The following MAPKAPK2 variants were observed in gnomAD, a reference collection of about 807,000 sequenced individuals.
The protein encoded by MAPKAPK2 is MAPK activated protein kinase 2, also known as MAP kinase-activated protein kinase 2.
Under a neutral mutation model 48.8 loss-of-function variants are expected in MAPKAPK2, and 9 were observed. That is an observed-to-expected ratio of 0.18 (90% CI 0.11 to 0.32). MAPKAPK2 has a LOEUF of 0.32. MAPKAPK2 is among the 10% of genes least tolerant of loss of function. The pLI is 1.00. For synonymous variants in MAPKAPK2, 202 were observed against 190.6 expected (o/e 1.06, Z -0.49); for missense variants, 331 against 498.3 (o/e 0.66, Z 3.20).
Position 206,704,100 on chromosome 1 carries a change from G to C in MAPKAPK2, c.279+18592G>C, listed in dbSNP as rs1272345032. Among the ~76,000 whole-genome samples the C allele has an allele frequency of 6.6e-6, 1 of 152,218 alleles. No homozygotes were observed. Among genetic ancestry groups the C allele is most frequent in the East Asian group, 1.9e-4 (1 of 5,202 alleles). On this transcript the variant is annotated intron_variant, in intron 1 of 9. Transcript: ENST00000367103. This position sits in a 1 kb window ranked among gnomAD's most constrained non-coding sequence, Gnocchi z 4.3. ...GATGGGTATACCCCAGGGTACACAG[G>C]CTATATTTTTCCAATCCAAAGTGAG... is the stretch of plus-strand genomic sequence containing the variant.
At position 206,731,591 on chromosome 1, in the gene MAPKAPK2, C is replaced by A; in HGVS notation, c.893-49C>A. ...ATGAAAACTGGGGAAAGGAGCAGGCCAGGGAGAGTGACCCCTGAGCTGTCA... is the reference window on the plus strand; with the variant it reads ...ATGAAAACTGGGGAAAGGAGCAGGCAAGGGAGAGTGACCCCTGAGCTGTCA... On this transcript the variant is annotated intron_variant, in intron 7 of 9. Coordinates refer to ENST00000367103, the MANE Select transcript of MAPKAPK2 (RefSeq NM_032960.4). The surrounding 1 kb of genome is among the most constrained non-coding windows in gnomAD (Gnocchi z 5.9). The A allele has an allele frequency of 6.8e-7, 1 of 1,477,418 alleles. No individual in the cohort carries two copies. The highest frequency in any genetic ancestry group is 9.5e-7 in the Non-Finnish European group (1 of 1,055,548). 91.5% of individuals were successfully genotyped at this position (1,477,418 alleles called of 1,614,324 possible).
intron 1 of MAPKAPK2, among the ~76,000 whole-genome samples, chr1:206,718,001 C>A (rs1213759815): frequency 6.6e-6 from 1 of 152,156 alleles, no homozygotes; most frequent in Non-Finnish European, 1.5e-5. Flanking sequence ...CCTCTCCCCT[C>A]TTCCCTAAAA....
At chr1:206,706,738 G>A (rs1672971760) in intron 1 of MAPKAPK2, among the ~76,000 whole-genome samples, 1 of 152,188 alleles carries the variant, frequency 6.6e-6, no homozygotes, top group Non-Finnish European at 1.5e-5. Flanking sequence ...CGGTCATGAT[G>A]GAAATTTTTT....
In MAPKAPK2 at chr1:206,731,361, G is replaced by C. The variant is rs1673905701; in HGVS notation, c.892+99G>C. 6.4e-7 allele frequency: 1 copy of C among 1,562,936 alleles called. No individual in the cohort carries two copies. The highest frequency in any genetic ancestry group is 1.9e-5 in the Admixed American group (1 of 53,226). On this transcript the variant is annotated intron_variant, in intron 7 of 9. Coordinates refer to ENST00000367103, the MANE Select transcript of MAPKAPK2 (RefSeq NM_032960.4). The surrounding 1 kb of genome is among the most constrained non-coding windows in gnomAD (Gnocchi z 5.9). ...ACACATGTATGGGCCTCCATCTCAT[G>C]TGCGTGGTGTAACTGTGGGTTAGCA...
intron 1 of MAPKAPK2, among the ~76,000 whole-genome samples, chr1:206,697,229 A>G (rs1194879553): frequency 6.6e-5 from 10 of 152,170 alleles, no homozygotes; most frequent in African/African-American, 1.9e-4. Context: ...GGCATTTTCT[A>G]GTTAGCTACA....
intron 1 of MAPKAPK2, among the ~76,000 whole-genome samples, chr1:206,691,976 G>C (rs1672475844): frequency 6.6e-6 from 1 of 152,240 alleles, no homozygotes; most frequent in South Asian, 2.1e-4. Flanking sequence ...TAATTTAGCA[G>C]GGTGTGCATC....
intron 1 of MAPKAPK2, chr1:206,695,733 G>A (rs1672595486): frequency 3.7e-6 from 1 of 273,190 alleles, no homozygotes; most frequent in South Asian, 3.9e-5. Context: ...CTCTGTTTAA[G>A]TGCATTTCTC....
chr1:206,729,953 T>C lies in MAPKAPK2; in HGVS notation c.565-19T>C, dbSNP rs1431974803. The C allele has an allele frequency of 2.5e-6, 4 of 1,614,062 alleles. 1 individual carries two copies. The East Asian group carries it at 8.9e-5, about 36-fold the overall frequency. ...CCAGGTCCAGCAGGGTTGCTATTTT[T>C]CTGTCTCTCTTTCTGTAGCCTGAGA... On this transcript the variant is annotated intron_variant, in intron 4 of 9. Coordinates refer to ENST00000367103, the MANE Select transcript of MAPKAPK2 (RefSeq NM_032960.4).
intron 1 of MAPKAPK2, among the ~76,000 whole-genome samples, chr1:206,726,855 T>G (rs1252645430): frequency 6.6e-6 from 1 of 152,272 alleles, no homozygotes; most frequent in Admixed American, 6.5e-5. Context: ...AATGCTCATT[T>G]GTCCTTCCCT....
rs142709484 is a variant in MAPKAPK2, at chr1:206,705,245, G to A, written c.279+19737G>A. Among the ~76,000 whole-genome samples, 6 of 152,284 alleles carry A rather than the reference G, an allele frequency of 3.9e-5. No homozygotes were observed. The East Asian group carries it at 1.2e-3, about 29-fold the overall frequency. On this transcript the variant is annotated intron_variant, in intron 1 of 9. Transcript: ENST00000367103. ...TATGTACGGTGGGTTGGGGGGAGGG[G>A]TGTGGCAGAGGAGGGGCCCCGGCAG... is the stretch of plus-strand genomic sequence containing the variant.
intron 1 of MAPKAPK2, among the ~76,000 whole-genome samples, chr1:206,724,937 A>G (rs1379635238): frequency 6.6e-6 from 1 of 152,222 alleles, no homozygotes; most frequent in Non-Finnish European, 1.5e-5. Context: ...GAGTTTCTGA[A>G]GCACCTTCAA....
intron 1 of MAPKAPK2, among the ~76,000 whole-genome samples, chr1:206,722,277 G>A (rs900595902): frequency 1.3e-5 from 2 of 151,398 alleles, no homozygotes; most frequent in Non-Finnish European, 2.9e-5. Context: ...GGAGAATGGC[G>A]TGAACCCGGG....
At position 206,725,034 on chromosome 1, in the gene MAPKAPK2, G is replaced by GGAAGTGCAGAACTGGGATTC. The variant is rs1416123148; in HGVS notation, c.280-3675_280-3656dup. On this transcript the variant is annotated intron_variant, in intron 1 of 9. Coordinates refer to ENST00000367103, the MANE Select transcript of MAPKAPK2 (RefSeq NM_032960.4). ...AGGTGGGCTTGCATGACACAAGCTA[G>GGAAGTGCAGAACTGGGATTC]GAAGTGCAGAACTGGGATTCAAAAT... Among the ~76,000 whole-genome samples, 3 of 152,216 alleles carry GGAAGTGCAGAACTGGGATTC rather than the reference G, an allele frequency of 2.0e-5. No individual in the cohort carries two copies. In the East Asian group the frequency reaches 5.8e-4, roughly 29 times the overall value.
At chr1:206,708,313 G>A (rs1283442573) in intron 1 of MAPKAPK2, among the ~76,000 whole-genome samples, 1 of 152,118 alleles carries the variant, frequency 6.6e-6, no homozygotes, top group African/African-American at 2.4e-5. Context: ...TTCCCCACCT[G>A]TTGTTACTTC....
Position 206,732,837 on chromosome 1 carries a change from C to A in MAPKAPK2, c.*119C>A. On this transcript the variant is annotated 3_prime_UTR_variant, in exon 10 of 10. Transcript: ENST00000367103. This position sits in a 1 kb window ranked among gnomAD's most constrained non-coding sequence, Gnocchi z 4.4. ...TCCTCTCCTCCTCAGCTGCATGGAG[C>A]CTGGAACTGCATCAGTGACTGAATT... 1 of 1,175,970 alleles carries A rather than the reference C, an allele frequency of 8.5e-7. No homozygotes were observed. Among genetic ancestry groups the A allele is most frequent in the Non-Finnish European group, 1.2e-6 (1 of 842,192 alleles). 72.8% of individuals were successfully genotyped at this position (1,175,970 alleles called of 1,614,324 possible). A position where few individuals can be genotyped will look rare whatever the true frequency, so the allele number is the denominator to read the frequency against.
At chr1:206,730,580 C>A (rs531981274) in intron 5 of MAPKAPK2, 108 bp from the exon 6 acceptor site, 3 of 954,760 alleles carry the variant, frequency 3.1e-6, no homozygotes, top group African/African-American at 3.2e-5. Context: ...ACTGCTGCCA[C>A]CTCATGATAG....
chr1:206,686,103 C>T (rs1672280181), intron 1 of MAPKAPK2, among the ~76,000 whole-genome samples: 1 of 152,124 alleles, frequency 6.6e-6, no homozygotes, highest in Non-Finnish European at 1.5e-5. Context: ...GGGTGTCCCC[C>T]GGCTGCGGGG....
chr1:206,713,096 G>A (rs1336721174), intron 1 of MAPKAPK2, among the ~76,000 whole-genome samples: 1 of 151,982 alleles, frequency 6.6e-6, no homozygotes, highest in Non-Finnish European at 1.5e-5. Flanking sequence ...CCGGGTCTAG[G>A]ATTTGAAATC....
At chr1:206,691,899 T>C (rs192507697) in intron 1 of MAPKAPK2, among the ~76,000 whole-genome samples, 1 of 152,342 alleles carries the variant, frequency 6.6e-6, no homozygotes, top group East Asian at 1.9e-4. Flanking sequence ...GACCAGCTGC[T>C]CCTTCTCTTG....
Sources: allele counts gnomAD v4.1 joint callset (sites outside exome capture counted in the v4.1 genomes callset), GRCh38; gene constraint gnomAD v4.1.1; non-coding constraint Gnocchi (gnomAD v3.1); transcripts MANE v1.5; gene names NCBI Gene and HGNC (gene_info 2026-07-23, HGNC 2026-07-21).